Variants in LRRC4C observed in about 807,000 individuals in gnomAD.
LRRC4C encodes the protein leucine-rich repeat-containing protein 4C.
LRRC4C carries 5 observed loss-of-function variants against 33.6 expected under a neutral mutation model. The ratio of observed to expected loss-of-function variants is 0.15; its 90% confidence interval spans 0.08 to 0.31. The LOEUF (loss-of-function observed/expected upper bound fraction) is 0.31. Ranked by LOEUF, LRRC4C falls within the 10% of genes least tolerant of loss-of-function variation. The pLI is 1.00. For synonymous variants in LRRC4C, 329 were observed against 302.0 expected (o/e 1.09, Z -0.93); for missense variants, 560 against 796.7 (o/e 0.70, Z 3.58).
intron 2 of LRRC4C, among the ~76,000 whole-genome samples, chr11:40,663,616 C>T (rs1804215373): frequency 6.6e-6 from 1 of 151,982 alleles, no homozygotes; most frequent in Non-Finnish European, 1.5e-5. Context: ...AATAATTTAG[C>T]CAGTGGGGTG....
At chr11:40,912,470 A>C (rs2136282697) in intron 2 of LRRC4C, among the ~76,000 whole-genome samples, 1 of 152,296 alleles carries the variant, frequency 6.6e-6, no homozygotes, top group South Asian at 2.1e-4. Context: ...AAGGAGAAAT[A>C]AAATCCTTTA....
chr11:40,843,376 C>A (rs1171040653), intron 2 of LRRC4C, among the ~76,000 whole-genome samples: 1 of 152,118 alleles, frequency 6.6e-6, no homozygotes, highest in Non-Finnish European at 1.5e-5. Context: ...TCTTTCATTT[C>A]CTATAGTTTT....
intron 1 of LRRC4C, among the ~76,000 whole-genome samples, chr11:41,070,081 T>A (rs760692808): frequency 3.9e-5 from 6 of 152,050 alleles, no homozygotes; most frequent in Non-Finnish European, 7.4e-5. Context: ...TATAGACCAA[T>A]GGAACAAAAC....
At chr11:40,949,553 G>A (rs1396469807) in intron 1 of LRRC4C, among the ~76,000 whole-genome samples, 1 of 151,976 alleles carries the variant, frequency 6.6e-6, no homozygotes, top group Non-Finnish European at 1.5e-5. Flanking sequence ...GAGAGTGGGG[G>A]CCAATATTCA....
At chr11:40,989,708 A>G (rs1051781822) in intron 1 of LRRC4C, among the ~76,000 whole-genome samples, 1 of 152,060 alleles carries the variant, frequency 6.6e-6, no homozygotes, top group Non-Finnish European at 1.5e-5. Context: ...CCCCCAAAAT[A>G]TCTCTTGCTG....
intron 1 of LRRC4C, among the ~76,000 whole-genome samples, chr11:41,207,171 G>GT (rs1177762639): frequency 1.3e-5 from 2 of 152,106 alleles, no homozygotes; most frequent in Non-Finnish European, 2.9e-5. Flanking sequence ...TAAGACTGTG[G>GT]TTTTCAATTC....
At chr11:40,629,806 C>T (rs1963295518) in intron 3 of LRRC4C, among the ~76,000 whole-genome samples, 1 of 151,696 alleles carries the variant, frequency 6.6e-6, no homozygotes, top group African/African-American at 2.4e-5. Flanking sequence ...CCATTTGCCT[C>T]TTTATTTTAT....
chr11:41,303,488 C>G (rs1293390522), intron 1 of LRRC4C, among the ~76,000 whole-genome samples: 1 of 131,672 alleles, frequency 7.6e-6, no homozygotes, highest in Admixed American at 8.8e-5. Context: ...GCCGAGATTG[C>G]AGCCTCTGCC....
rs145698352 is a variant in LRRC4C at position 40,936,827 on chromosome 11, G to T, written c.-495-3104C>A. Among the ~76,000 whole-genome samples, 203 of 152,254 alleles carry T rather than the reference G, an allele frequency of 1.3e-3. 1 individual carries two copies. The highest frequency in any genetic ancestry group is 2.2e-3 in the Non-Finnish European group (147 of 68,020). On this transcript the variant is annotated intron_variant, in intron 1 of 6. Coordinates refer to ENST00000528697, the MANE Select transcript of LRRC4C (RefSeq NM_001258419.2). The stretch of plus-strand genomic sequence containing the variant: ...ATAAAGCCAGTAATGGTAAAATTGG[G>T]ATGCCAACCTAGACAGCTTTCTAAC...
chr11:40,663,076 T>G (rs1257974416), intron 2 of LRRC4C, among the ~76,000 whole-genome samples: 1 of 152,066 alleles, frequency 6.6e-6, no homozygotes, highest in Non-Finnish European at 1.5e-5. Flanking sequence ...AAGATAGATT[T>G]ATTTATTTAT....
intron 1 of LRRC4C, among the ~76,000 whole-genome samples, chr11:41,140,069 G>A (rs1160976728): frequency 6.6e-6 from 1 of 152,172 alleles, no homozygotes; most frequent in Non-Finnish European, 1.5e-5. Flanking sequence ...TGTTTGCACT[G>A]TGATGCCAGG....
intron 1 of LRRC4C, chr11:41,223,015 G>A (rs1202051178): frequency 4.6e-5 from 7 of 151,996 alleles, no homozygotes; most frequent in Admixed American, 4.6e-4. Flanking sequence ...GTTTCTGTAA[G>A]GATTAAATGA....
At chr11:41,019,419 A>G (rs1165232928) in intron 1 of LRRC4C, among the ~76,000 whole-genome samples, 2 of 152,078 alleles carry the variant, frequency 1.3e-5, no homozygotes, top group African/African-American at 4.8e-5. Flanking sequence ...CCAGTCTATC[A>G]TTGATGGGCA....
At position 40,387,578 on chromosome 11, in the gene LRRC4C, G is replaced by A. The variant is rs575857296; in HGVS notation, c.-269-67857C>T. Among the ~76,000 whole-genome samples the A allele has an allele frequency of 3.3e-5, 5 of 152,242 alleles. No homozygotes were observed. In the South Asian group the frequency reaches 1.0e-3, roughly 32 times the overall value. On this transcript the variant is annotated intron_variant, in intron 3 of 6. Coordinates refer to ENST00000528697, the MANE Select transcript of LRRC4C (RefSeq NM_001258419.2). ...CTCCTTCTTTACCCTTTAATAGAGA[G>A]TCAAGTCTGATGATTTCTGTAGACA...
At chr11:41,148,947 G>A (rs1310197858) in intron 1 of LRRC4C, among the ~76,000 whole-genome samples, 1 of 152,078 alleles carries the variant, frequency 6.6e-6, no homozygotes, top group African/African-American at 2.4e-5. Flanking sequence ...ATCCCTCCTT[G>A]GCATGGCTGG....
intron 5 of LRRC4C, among the ~76,000 whole-genome samples, chr11:40,153,062 A>G (rs934777748): frequency 7.9e-5 from 12 of 152,154 alleles, no homozygotes; most frequent in Non-Finnish European, 1.5e-4. Context: ...CTTCCAACAG[A>G]ACAGGTGCTG....
chr11:41,218,117 A>G (rs563023310), intron 1 of LRRC4C, among the ~76,000 whole-genome samples: 26 of 145,130 alleles, frequency 1.8e-4, no homozygotes, highest in African/African-American at 6.7e-4. Flanking sequence ...TCCCTTACAG[A>G]CTATGACTTC....
intron 2 of LRRC4C, among the ~76,000 whole-genome samples, chr11:40,716,463 A>T (rs1946722703): frequency 6.6e-6 from 1 of 152,170 alleles, no homozygotes; most frequent in Non-Finnish European, 1.5e-5. Flanking sequence ...CAACAACAAT[A>T]ACAAAATAAC....
intron 2 of LRRC4C, among the ~76,000 whole-genome samples, chr11:40,727,138 C>T (rs1947323501): frequency 6.6e-6 from 1 of 152,064 alleles, no homozygotes; most frequent in Admixed American, 6.5e-5. Flanking sequence ...AGATCAAAGA[C>T]AGGCATCACA....
Sources: gnomAD v4.1 joint callset for allele counts (sites outside exome capture counted in the v4.1 genomes callset) on GRCh38, gnomAD v4.1.1 for gene constraint, MANE v1.5 for transcripts, NCBI Gene and HGNC (gene_info 2026-07-23, HGNC 2026-07-21) for gene names.